Variants in TSC1 observed in about 807,000 individuals in gnomAD.
TSC1 encodes hamartin.
A neutral mutation model predicts 124.3 loss-of-function variants in TSC1; 20 were observed. The ratio of observed to expected loss-of-function variants is 0.16; its 90% CI spans 0.11 to 0.23. TSC1 has a LOEUF of 0.23. Among genes scored for constraint, TSC1 ranks in the 10% least tolerant of loss-of-function variants. The pLI is 1.00. For missense variants in TSC1, 1,124 were observed against 1,448.5 expected (o/e 0.78, Z 3.64); for synonymous variants, 493 against 539.1 (o/e 0.91, Z 1.19).
intron 13 of TSC1, 72 bp downstream of exon 13, chr9:132,907,229 C>G (rs1469179402): frequency 7.5e-7 from 1 of 1,329,468 alleles, no homozygotes; most frequent in African/African-American, 1.4e-5. Context: ...TTCCATTTAA[C>G]TTTCTTTTCT....
rs1199777118 is a variant in TSC1 at position 132,894,876 on chromosome 9, A to C, written c.*1359T>G. The C allele has an allele frequency of 4.3e-6, 1 of 231,622 alleles. No individual in the cohort carries two copies. Among genetic ancestry groups the C allele is most frequent in the African/African-American group, 2.2e-5 (1 of 45,254 alleles). The allele number at this position is 231,622 out of a possible 1,614,324, so 14.3% of individuals were successfully genotyped here. On this transcript the variant is annotated 3_prime_UTR_variant, in exon 23 of 23. Transcript: ENST00000298552. ...CCTTCCTACCAAATCCCCCTGCCTC[A>C]GCTGGAACACCAGACCACAGTTCTT... is the stretch of plus-strand genomic sequence containing the variant.
Position 132,902,928 on chromosome 9 carries a change from T to A in TSC1, c.2209-141A>T. On this transcript the variant is annotated intron_variant, in intron 17 of 22. Coordinates refer to ENST00000298552, the MANE Select transcript of TSC1 (RefSeq NM_000368.5). This position sits in a 1 kb window ranked among gnomAD's most constrained non-coding sequence, Gnocchi z 5.2. ...ACAGACCAAAACTCTTAGAGCTCAC[T>A]ACTGTCTTACTTGGCCTTAGGTCAA... 1 of 1,076,220 alleles carries A rather than the reference T, an allele frequency of 9.3e-7. No homozygotes were observed. The highest frequency in any genetic ancestry group is 1.4e-6 in the Non-Finnish European group (1 of 717,966). The allele number at this position is 1,076,220 out of a possible 1,614,324, so 66.7% of individuals were successfully genotyped here.
In TSC1 at chr9:132,935,054, C is replaced by T; in HGVS notation, c.-102G>A. The stretch of plus-strand genomic sequence containing the variant: ...TTACCTGTTCTAGCGACAACTGGTA[C>T]TTCAGTTTCCAGTGCTGTCAACCTG... On this transcript the variant is annotated 5_prime_UTR_variant, in exon 2 of 23. Transcript: ENST00000298552. The T allele has an allele frequency of 2.5e-6, 1 of 399,110 alleles. No individual in the cohort carries two copies. The highest frequency in any genetic ancestry group is 4.4e-6 in the Non-Finnish European group (1 of 226,080). 24.7% of individuals were successfully genotyped at this position (399,110 alleles called of 1,614,324 possible).
intron 8 of TSC1, among the ~76,000 whole-genome samples, chr9:132,917,705 C>T (rs766647025): frequency 1.3e-5 from 2 of 152,178 alleles, no homozygotes; most frequent in Non-Finnish European, 2.9e-5. Context: ...CTCTGTTCTG[C>T]TCATATTACC....
At position 132,892,022 on chromosome 9, in the gene TSC1, C is replaced by T. The variant is rs1156603459; in HGVS notation, c.*4213G>A. 1.7e-5 allele frequency: 4 copies of T among 233,040 alleles called. No homozygotes were observed. Among genetic ancestry groups the T allele is most frequent in the East Asian group, 1.2e-4 (2 of 16,556 alleles). The allele number at this position is 233,040 out of a possible 1,614,324, so 14.4% of individuals were successfully genotyped here. ...GGAAGCTCCTCTGCCATCATTAACTCGTTTCATGACCAGAAGCCATGGGCA... is the reference window on the plus strand; with the variant it reads ...GGAAGCTCCTCTGCCATCATTAACTTGTTTCATGACCAGAAGCCATGGGCA... On this transcript the variant is annotated 3_prime_UTR_variant, in exon 23 of 23. Coordinates refer to ENST00000298552, the MANE Select transcript of TSC1 (RefSeq NM_000368.5).
chr9:132,925,099 T>C (rs1480869357), intron 5 of TSC1: 1 of 170,378 alleles, frequency 5.9e-6, no homozygotes, highest in Non-Finnish European at 1.3e-5. Flanking sequence ...TGACTCCCTA[T>C]ATAGAAAAAT....
Position 132,925,861 on chromosome 9 carries a change from C to T in TSC1, c.211-122G>A, listed in dbSNP as rs1846832692. ...TCTCTAATGTAAAGCAAGGGTCATG[C>T]AGATAAAAGGTCAAATTCAAGATTT... is the stretch of plus-strand genomic sequence containing the variant. On this transcript the variant is annotated intron_variant, in intron 4 of 22. Transcript: ENST00000298552. 3 of 1,288,376 alleles carry T rather than the reference C, an allele frequency of 2.3e-6. No homozygotes were observed. The Admixed American group carries it at 5.9e-5, about 25-fold the overall frequency. The allele number at this position is 1,288,376 out of a possible 1,614,324, so 79.8% of individuals were successfully genotyped here.
At chr9:132,915,042 CT>C (rs1846198157) in intron 8 of TSC1, among the ~76,000 whole-genome samples, 1 of 151,976 alleles carries the variant, frequency 6.6e-6, no homozygotes, top group Non-Finnish European at 1.5e-5. Flanking sequence ...AACAAAATAG[CT>C]GGGCGTGGTG....
At position 132,892,065 on chromosome 9, in the gene TSC1, C is replaced by T; in HGVS notation, c.*4170G>A. 1 of 233,214 alleles carries T rather than the reference C, an allele frequency of 4.3e-6. No individual in the cohort carries two copies. Among genetic ancestry groups the T allele is most frequent in the East Asian group, 6.0e-5 (1 of 16,576 alleles). 14.4% of individuals were successfully genotyped at this position (233,214 alleles called of 1,614,324 possible). On this transcript the variant is annotated 3_prime_UTR_variant, in exon 23 of 23. Transcript: ENST00000298552. ...CATGGGCACAGGTGCTCGGCTCTTC[C>T]AGGCAGGCTTCCCTTGTAGCTACAG... is the stretch of plus-strand genomic sequence containing the variant.
Position 132,892,257 on chromosome 9 carries a change from C to A in TSC1, c.*3978G>T. On this transcript the variant is annotated 3_prime_UTR_variant, in exon 23 of 23. Transcript: ENST00000298552. ...AGTCCTCGACCTAAACTTGTTCTTT[C>A]ACCTACAGACAAAAGCTTAATCAAG... 1 of 233,422 alleles carries A rather than the reference C, an allele frequency of 4.3e-6. No individual in the cohort carries two copies. The highest frequency in any genetic ancestry group is 8.5e-6 in the Non-Finnish European group (1 of 118,130). The allele number at this position is 233,422 out of a possible 1,614,324, so 14.5% of individuals were successfully genotyped here.
chr9:132,896,091 G>A lies in TSC1; in HGVS notation c.*144C>T, dbSNP rs1319416675. On this transcript the variant is annotated 3_prime_UTR_variant, in exon 23 of 23. Coordinates refer to ENST00000298552, the MANE Select transcript of TSC1 (RefSeq NM_000368.5). The surrounding 1 kb of genome is among the most constrained non-coding windows in gnomAD (Gnocchi z 4.5). Reference sequence around the variant, plus strand: ...AGATCCAAAAACCGTTCTGCATTCAGTCAGCTGTCCAAAGGACCTCCGTCC... The same window carrying A: ...AGATCCAAAAACCGTTCTGCATTCAATCAGCTGTCCAAAGGACCTCCGTCC... The A allele has an allele frequency of 3.2e-6, 4 of 1,251,686 alleles. No individual in the cohort carries two copies. Among genetic ancestry groups the A allele is most frequent in the African/African-American group, 1.5e-5 (1 of 68,274 alleles). 77.5% of individuals were successfully genotyped at this position (1,251,686 alleles called of 1,614,324 possible). A position where few individuals can be genotyped will look rare whatever the true frequency, so the allele number is the denominator to read the frequency against.
chr9:132,905,290 C>T (rs551839114), intron 15 of TSC1, among the ~76,000 whole-genome samples: 6 of 152,296 alleles, frequency 3.9e-5, no homozygotes, highest in Middle Eastern at 3.4e-3. Context: ...GCAGAGGGCA[C>T]ATATGAAAGC....
intron 4 of TSC1, chr9:132,926,003 T>G: frequency 2.1e-6 from 1 of 484,896 alleles, no homozygotes; most frequent in East Asian, 3.9e-5. Flanking sequence ...GGAGACTTGT[T>G]CACAGCCCCT....
intron 18 of TSC1, 194 bp from the exon 19 acceptor site, chr9:132,901,893 A>C: frequency 1.7e-6 from 1 of 577,218 alleles, no homozygotes; most frequent in Non-Finnish European, 3.1e-6. Flanking sequence ...CTGTTTAACA[A>C]AAGAAAAAAA....
chr9:132,940,895 T>C (rs1480377164), intron 1 of TSC1: 3 of 152,248 alleles, frequency 2.0e-5, no homozygotes, highest in African/African-American at 7.2e-5. Context: ...AGTTTGTTAC[T>C]ATGCTCTGTG....
rs763931959 is a variant in TSC1, at chr9:132,896,310, C to G, written c.3420G>C (p.Pro1140=). The G allele has an allele frequency of 6.2e-7, 1 of 1,614,140 alleles. No individual in the cohort carries two copies. The highest frequency in any genetic ancestry group is 1.1e-5 in the South Asian group (1 of 91,086). ...CAACACTGTCCGGGGTCGGGGGAGA[C>G]GGGTGAGGGCCATCTAGGTTCAGGG... ...KIPLNLDGPH[P]SPPTPDSVGQ... is the part of the protein sequence containing the mutation. The change falls in exon 23 of 23, where the codon CCG becomes CCC. Residue 1140 remains proline, a synonymous_variant. Coordinates refer to ENST00000298552, the MANE Select transcript of TSC1 (RefSeq NM_000368.5). This position sits in a 1 kb window ranked among gnomAD's most constrained non-coding sequence, Gnocchi z 4.5.
rs2131709896 is a variant in TSC1 at position 132,901,693 on chromosome 9, G to A, written c.2398C>T (p.Leu800=). ...YNQSQELQTK[L]EDCRNMIAEL... Reference sequence around the variant, plus strand: ...GCAATCATGTTCCTGCAGTCCTCCAGCTTCGTCTGCCCAAAGAGACGTGGA... The same window carrying A: ...GCAATCATGTTCCTGCAGTCCTCCAACTTCGTCTGCCCAAAGAGACGTGGA... The change falls in exon 19 of 23, where the codon CTG becomes TTG. Residue 800 remains leucine (L), a synonymous_variant. Transcript: ENST00000298552. 1 of 1,613,842 alleles carries A rather than the reference G, an allele frequency of 6.2e-7. No homozygotes were observed.
At chr9:132,927,830 T>C (rs531723616) in intron 3 of TSC1, among the ~76,000 whole-genome samples, 1 of 152,214 alleles carries the variant, frequency 6.6e-6, no homozygotes, top group Admixed American at 6.5e-5. Context: ...TGGCCCTTTA[T>C]TGCTTTTTTA....
rs371093730 is a variant in TSC1 at position 132,906,814 on chromosome 9, C to G, written c.1355G>C (p.Gly452Ala). 10 of 1,614,004 alleles carry G rather than the reference C, an allele frequency of 6.2e-6. No individual in the cohort carries two copies. Among genetic ancestry groups the G allele is most frequent in the African/African-American group, 1.3e-5 (1 of 74,920 alleles). ...TGGAAGATCACTTAGAGTGACAGAA[C>G]CTTTGCTGCCAGGTGGCTCTTCTGA... Reference protein sequence around the residue: ...RGSEEPPGSKGSVTLSDLPGF... With the variant: ...RGSEEPPGSKASVTLSDLPGF... The change falls in exon 14 of 23, where the codon GGT becomes GCT. Residue 452 changes from glycine to alanine, a missense_variant. By Grantham distance (60) the Gly-to-Ala change is moderately conservative. This residue lies in a region of TSC1 where 463 missense variants were observed against 606.8 expected (regional missense o/e 0.76). Coordinates refer to ENST00000298552, the MANE Select transcript of TSC1 (RefSeq NM_000368.5). The surrounding 1 kb of genome is among the most constrained non-coding windows in gnomAD (Gnocchi z 4.1).
Sources: gnomAD v4.1 joint callset for allele counts (sites outside exome capture counted in the v4.1 genomes callset) on GRCh38, gnomAD v4.1.1 for gene constraint, gnomAD v4.1.1 regional missense constraint, Gnocchi (gnomAD v3.1) non-coding constraint, MANE v1.5 for transcripts, NCBI Gene and HGNC (gene_info 2026-07-23, HGNC 2026-07-21) for gene names.